Variants in TESC observed in about 807,000 individuals in gnomAD.
The protein encoded by TESC is calcineurin B homologous protein 3.
TESC carries 19 observed loss-of-function variants against 31.0 expected under a neutral mutation model. That is an observed-to-expected ratio of 0.61 (90% CI 0.43 to 0.90). The LOEUF (loss-of-function observed/expected upper bound fraction) is 0.90, where lower values mean the gene tolerates loss of function less well. TESC is among the 40% of genes least tolerant of loss of function. The pLI is 0.00. For missense variants in TESC, 248 were observed against 303.8 expected (o/e 0.82, Z 1.36); for synonymous variants, 109 against 114.8 (o/e 0.95, Z 0.32).
In TESC at chr12:117,046,579, T is replaced by C; in HGVS notation, c.499A>G (p.Ser167Gly). ...CTCACCATCTGCCCCATGCACACGC[T>C]GGCCGCCTCCATCATGGCCCCGTCG... ...IADGAMMEAA[S>G]VCMGQMEPDQ... Residue 167 changes from serine to glycine, a missense_variant, in exon 6 of 8, where the codon AGC becomes GGC. Coordinates refer to ENST00000335209, the MANE Select transcript of TESC (RefSeq NM_017899.4). The C allele has an allele frequency of 3.2e-6, 5 of 1,550,914 alleles. No individual in the cohort carries two copies. Among genetic ancestry groups the C allele is most frequent in the Non-Finnish European group, 4.4e-6 (5 of 1,146,878 alleles).
intron 6 of TESC, among the ~76,000 whole-genome samples, chr12:117,044,522 G>A (rs1020897522): frequency 6.6e-6 from 1 of 152,194 alleles, no homozygotes; most frequent in African/African-American, 2.4e-5. Flanking sequence ...GGGGAGTTGG[G>A]GGAAGCAGCC....
At position 117,075,343 on chromosome 12, in the gene TESC, G is replaced by T; in HGVS notation, c.59-3C>A. The T allele has an allele frequency of 6.2e-7, 1 of 1,608,532 alleles. No individual in the cohort carries two copies. The highest frequency in any genetic ancestry group is 1.1e-5 in the South Asian group (1 of 91,010). On this transcript the variant is annotated splice_region_variant and splice_polypyrimidine_tract_variant and intron_variant, in intron 1 of 7. Transcript: ENST00000335209. ...CTGCTCGATCTGATCCGATGAGACT[G>T]AGAAGTGGGGGAAAGAGAGAAAAAC...
chr12:117,081,221 G>A (rs1364526638), intron 1 of TESC, among the ~76,000 whole-genome samples: 1 of 152,140 alleles, frequency 6.6e-6, no homozygotes, highest in African/African-American at 2.4e-5. Flanking sequence ...GGCTGAAGTG[G>A]AAACCACACA....
chr12:117,049,405 C>G (rs2135752906), intron 3 of TESC, among the ~76,000 whole-genome samples: 1 of 152,352 alleles, frequency 6.6e-6, no homozygotes, highest in South Asian at 2.1e-4. Flanking sequence ...AGAGAGACAA[C>G]TGCGTGACCG....
At chr12:117,084,440 C>A (rs1955189393) in intron 1 of TESC, among the ~76,000 whole-genome samples, 1 of 152,200 alleles carries the variant, frequency 6.6e-6, no homozygotes, top group South Asian at 2.1e-4. Flanking sequence ...TTTCCCCTTT[C>A]ATTAAGAGGA....
rs535491829 is a variant in TESC at position 117,098,727 on chromosome 12, G to T, written c.58+498C>A. 2.0e-5 allele frequency: 3 copies of T among 152,488 alleles called. No individual in the cohort carries two copies. In the East Asian group the frequency reaches 5.8e-4, roughly 29 times the overall value. The allele number at this position is 152,488 out of a possible 1,614,324, so 9.4% of individuals were successfully genotyped here. A position where few individuals can be genotyped will look rare whatever the true frequency, so the allele number is the denominator to read the frequency against. ...CTGCCTGAACCCATTTTACAGATGC[G>T]AGGACGAAAGCAGGCGCCGGGCGCC... is the stretch of plus-strand genomic sequence containing the variant. On this transcript the variant is annotated intron_variant, in intron 1 of 7. Coordinates refer to ENST00000335209, the MANE Select transcript of TESC (RefSeq NM_017899.4).
At chr12:117,094,481 A>G (rs957463635) in intron 1 of TESC, among the ~76,000 whole-genome samples, 4 of 152,092 alleles carry the variant, frequency 2.6e-5, no homozygotes, top group African/African-American at 7.2e-5. Flanking sequence ...TCACTGAACC[A>G]CCAAGTGCAT....
chr12:117,071,780 G>A (rs1304645432), intron 2 of TESC, among the ~76,000 whole-genome samples: 1 of 152,182 alleles, frequency 6.6e-6, no homozygotes, highest in Non-Finnish European at 1.5e-5. Flanking sequence ...GGCCTGGGAG[G>A]TAGGAGTCCG....
At chr12:117,089,209 G>A (rs1014470943) in intron 1 of TESC, among the ~76,000 whole-genome samples, 8 of 152,184 alleles carry the variant, frequency 5.3e-5, no homozygotes, top group African/African-American at 1.9e-4. Flanking sequence ...AGTCTCTGTG[G>A]GGCAGGAGAC....
intron 2 of TESC, among the ~76,000 whole-genome samples, chr12:117,068,614 C>T (rs1954919278): frequency 6.6e-6 from 1 of 152,214 alleles, no homozygotes; most frequent in Admixed American, 6.5e-5. Flanking sequence ...ACTGTCTGGG[C>T]TATCAGAACA....
rs534209379 is a variant in TESC, at chr12:117,070,024, T to C, written c.128+5247A>G. The stretch of plus-strand genomic sequence containing the variant: ...GATTGTAGTGGGGTGCCAGGGGCCT[T>C]CACTAGGGAACCCCAATCAACGCCA... On this transcript the variant is annotated intron_variant, in intron 2 of 7. Transcript: ENST00000335209. Among the ~76,000 whole-genome samples the C allele has an allele frequency of 3.3e-5, 5 of 152,276 alleles. No homozygotes were observed. The East Asian group carries it at 5.8e-4, about 18-fold the overall frequency.
chr12:117,040,774 T>A (rs1004584906), intron 7 of TESC, among the ~76,000 whole-genome samples: 12 of 152,202 alleles, frequency 7.9e-5, no homozygotes, highest in Admixed American at 1.3e-4. Context: ...CAGGCCCTGC[T>A]GCCTGCCTCT....
At chr12:117,081,848 G>A (rs947310692) in intron 1 of TESC, among the ~76,000 whole-genome samples, 57 of 152,044 alleles carry the variant, frequency 3.7e-4, no homozygotes, top group Non-Finnish European at 6.5e-4. Flanking sequence ...AGGTTGCAGC[G>A]AGCCGAGATC....
At chr12:117,042,071 C>T in intron 6 of TESC, 77 bp from the exon 7 acceptor site, 1 of 1,422,768 alleles carries the variant, frequency 7.0e-7, no homozygotes, top group South Asian at 1.2e-5. Flanking sequence ...GGTCCACTGG[C>T]CTCCCCTCCC....
chr12:117,058,037 T>C (rs1954751566), intron 2 of TESC, among the ~76,000 whole-genome samples: 1 of 152,060 alleles, frequency 6.6e-6, no homozygotes, highest in South Asian at 2.1e-4. Context: ...CTGGCCAACA[T>C]GGTGAAACCC....
chr12:117,046,646 C>T lies in TESC; in HGVS notation c.432G>A (p.Ser144=), dbSNP rs1160446471. 4.3e-5 allele frequency: 66 copies of T among 1,551,880 alleles called. No individual in the cohort carries two copies. The highest frequency in any genetic ancestry group is 5.3e-5 in the Non-Finnish European group (61 of 1,147,172). Residue 144 remains serine, a synonymous_variant, in exon 6 of 8, where the codon TCG becomes TCA. Transcript: ENST00000335209. ...ACTCCTTCTCGATGTGAGGGTTTCC[C>T]GACAGCAGCTCCTCGACCACCTGCC... The part of the protein sequence containing the change: ...EYRNVVEELL[S]GNPHIEKESA...
rs1555232418 is a variant in TESC, at chr12:117,075,971, G to GTA, written c.59-633_59-632dup. Among the ~76,000 whole-genome samples, 352 of 99,642 alleles carry GTA rather than the reference G, an allele frequency of 3.5e-3. 17 individuals carry two copies. The highest frequency in any genetic ancestry group is 0.012 in the African/African-American group (284 of 23,670). 65.4% of individuals were successfully genotyped at this position (99,642 alleles called of 152,430 possible). A position where few individuals can be genotyped will look rare whatever the true frequency, so the allele number is the denominator to read the frequency against. ...TATACATATATATATATATATGTAT[G>GTA]TATATATATATATATTTTTTTTTTT... is the stretch of plus-strand genomic sequence containing the variant. On this transcript the variant is annotated intron_variant, in intron 1 of 7. Transcript: ENST00000335209.
intron 1 of TESC, among the ~76,000 whole-genome samples, chr12:117,097,442 G>T (rs1335575427): frequency 6.6e-6 from 1 of 152,176 alleles, no homozygotes; most frequent in Non-Finnish European, 1.5e-5. Flanking sequence ...ATTCCCGAGT[G>T]CCCCGTGGGC....
intron 4 of TESC, among the ~76,000 whole-genome samples, chr12:117,048,282 G>T (rs1954597471): frequency 6.6e-6 from 1 of 152,208 alleles, no homozygotes; most frequent in Non-Finnish European, 1.5e-5. Context: ...AGGAAGCCAG[G>T]CTCACACCAG....
Sources: allele counts gnomAD v4.1 joint callset (sites outside exome capture counted in the v4.1 genomes callset), GRCh38; gene constraint gnomAD v4.1.1; transcripts MANE v1.5; gene names NCBI Gene and HGNC (gene_info 2026-07-23, HGNC 2026-07-21).